The following NAB2 variants were observed in gnomAD, a reference collection of about 807,000 sequenced individuals.
The protein encoded by NAB2 is NGFI-A-binding protein 2.
In NAB2, 9 loss-of-function variants were observed where a neutral mutation model predicts 44.2. The ratio of observed to expected loss-of-function variants is 0.20; its 90% confidence interval spans 0.12 to 0.36. The LOEUF (loss-of-function observed/expected upper bound fraction) is 0.36, where lower values mean the gene tolerates loss of function less well. Ranked by LOEUF, NAB2 falls within the 10% of genes least tolerant of loss-of-function variation. The pLI is 1.00. For missense variants in NAB2, 514 were observed against 709.0 expected (o/e 0.73, Z 3.12); for synonymous variants, 342 against 291.0 (o/e 1.18, Z -1.78).
Position 57,091,270 on chromosome 12 carries a change from G to C in NAB2, c.229G>C (p.Glu77Gln). The change falls in exon 2 of 7, where the codon GAG becomes CAG. Residue 77 changes from glutamate (E) to glutamine (Q), a missense_variant. Glu to Gln is a conservative substitution (Grantham distance 29). This residue lies in a region of NAB2 where 34 missense variants were observed against 130.5 expected (regional missense o/e 0.26). Coordinates refer to ENST00000300131, the MANE Select transcript of NAB2 (RefSeq NM_005967.4). The surrounding 1 kb of genome is among the most constrained non-coding windows in gnomAD (Gnocchi z 7.3). The stretch of plus-strand genomic sequence containing the variant: ...CGTGCAGCAGCTGTGTGAGGCGGGT[G>C]AGGAGGAGTTTCTGGAGATCATGGC... ...DDVQQLCEAG[E>Q]EEFLEIMALV... 3 of 1,607,872 alleles carry C rather than the reference G, an allele frequency of 1.9e-6. No homozygotes were observed. Among genetic ancestry groups the C allele is most frequent in the Non-Finnish European group, 1.7e-6 (2 of 1,174,862 alleles).
In NAB2 at chr12:57,093,570, C is replaced by T. The variant is rs756700112; in HGVS notation, c.1440C>T (p.Pro480=). Residue 480 remains proline, a synonymous_variant, in exon 6 of 7, where the codon CCC becomes CCT. Transcript: ENST00000300131. ...VSHDRVGRLS[P]CVPAKPPLAE... ...ACGACCGCGTGGGCCGCCTCAGCCCCTGTGTGCCTGCGAAGCCACCTCTCG... is the reference window on the plus strand; with the variant it reads ...ACGACCGCGTGGGCCGCCTCAGCCCTTGTGTGCCTGCGAAGCCACCTCTCG... The T allele has an allele frequency of 4.6e-6, 7 of 1,528,616 alleles. No individual in the cohort carries two copies. The highest frequency in any genetic ancestry group is 6.2e-6 in the Non-Finnish European group (7 of 1,138,040). 94.7% of individuals were successfully genotyped at this position (1,528,616 alleles called of 1,614,324 possible).
At position 57,095,024 on chromosome 12, in the gene NAB2, T is replaced by G; in HGVS notation, c.*303T>G. The G allele has an allele frequency of 2.8e-6, 1 of 363,312 alleles. No homozygotes were observed. 22.5% of individuals were successfully genotyped at this position (363,312 alleles called of 1,614,324 possible). On this transcript the variant is annotated 3_prime_UTR_variant, in exon 7 of 7. Transcript: ENST00000300131. Reference sequence around the variant, plus strand: ...TCACACAACACACTCCCATTCTCTTTAGGTTTGCACCAGTGGTGTGAGCAG... The same window carrying G: ...TCACACAACACACTCCCATTCTCTTGAGGTTTGCACCAGTGGTGTGAGCAG...
In NAB2 at chr12:57,093,101, C is replaced by T; in HGVS notation, c.1182C>T (p.Pro394=). 10 of 1,612,890 alleles carry T rather than the reference C, an allele frequency of 6.2e-6. No homozygotes were observed. The highest frequency in any genetic ancestry group is 1.1e-5 in the South Asian group (1 of 90,906). The change falls in exon 5 of 7, where the codon CCC becomes CCT. Residue 394 remains proline, a synonymous_variant. Transcript: ENST00000300131. ...EQSHPEIQQP[P]PGPESYVPPY... ...GTCACCCTGAAATCCAGCAGCCTCC[C>T]CCAGGCCCTGAGTCCTATGTACCCC...
At position 57,094,236 on chromosome 12, in the gene NAB2, TGGCCTGGGAGG is replaced by T. The variant is rs1308795082; in HGVS notation, c.1469-362_1469-352del. Among the ~76,000 whole-genome samples, 15 of 73,678 alleles carry T rather than the reference TGGCCTGGGAGG, an allele frequency of 2.0e-4. No individual in the cohort carries two copies. The East Asian group carries it at 3.7e-3, about 18-fold the overall frequency. The allele number at this position is 73,678 out of a possible 152,430, so 48.3% of individuals were successfully genotyped here. On this transcript the variant is annotated intron_variant, in intron 6 of 6. Coordinates refer to ENST00000300131, the MANE Select transcript of NAB2 (RefSeq NM_005967.4). ...AAAAACTTGGGGGGCCATGGTAGAG[TGGCCTGGGAGG>T]GGCCTGGGAGGGGGCCAGGGATGAG...
In NAB2 at chr12:57,092,433, G is replaced by T. The variant is rs752252791; in HGVS notation, c.958-15G>T. ...AGTTCGAATTCTGACTCTCCTGGCT[G>T]CCCTCCCTCCACAGCTCACCATCAA... On this transcript the variant is annotated splice_polypyrimidine_tract_variant and intron_variant, in intron 2 of 6. Coordinates refer to ENST00000300131, the MANE Select transcript of NAB2 (RefSeq NM_005967.4). The T allele has an allele frequency of 6.2e-7, 1 of 1,612,658 alleles. No individual in the cohort carries two copies. Among genetic ancestry groups the T allele is most frequent in the East Asian group, 2.2e-5 (1 of 44,840 alleles).
chr12:57,091,748 G>T lies in NAB2; in HGVS notation c.707G>T (p.Arg236Leu), dbSNP rs914361531. 2 of 1,614,134 alleles carry T rather than the reference G, an allele frequency of 1.2e-6. No homozygotes were observed. Among genetic ancestry groups the T allele is most frequent in the African/African-American group, 1.3e-5 (1 of 75,060 alleles). ...GGTGGGACTGGGGGTGGTCCAGACC[G>T]ACTGGAGCCAGAGATGGTACGCATG... is the stretch of plus-strand genomic sequence containing the variant. ...AAGGTGGGPD[R>L]LEPEMVRMVV... is the part of the protein sequence containing the mutation. The change falls in exon 2 of 7, where the codon CGA (arginine) becomes CTA (leucine). Residue 236 changes from arginine to leucine, a missense_variant. Physicochemically the swap from Arg to Leu is moderately radical, Grantham distance 102. Transcript: ENST00000300131. The surrounding 1 kb of genome is among the most constrained non-coding windows in gnomAD (Gnocchi z 7.3).
At chr12:57,092,375 G>A in intron 2 of NAB2, 73 bp from the exon 3 acceptor site, 3 of 1,569,570 alleles carry the variant, frequency 1.9e-6, no homozygotes, top group Non-Finnish European at 2.6e-6. Context: ...CAATGGTGAA[G>A]GGGTGTGAGG....
At chr12:57,089,402 G>T (rs745669257) in intron 1 of NAB2, 48 bp downstream of exon 1, 2 of 1,456,820 alleles carry the variant, frequency 1.4e-6, no homozygotes, top group South Asian at 1.2e-5. Context: ...GGTGGAGCTG[G>T]ACTTGGGAAT....
In NAB2 at chr12:57,089,136, A is replaced by G. The variant is rs1379089130; in HGVS notation, c.-136A>G. On this transcript the variant is annotated 5_prime_UTR_variant, in exon 1 of 7. Coordinates refer to ENST00000300131, the MANE Select transcript of NAB2 (RefSeq NM_005967.4). ...CACAGACAGAGGCGCGGAGGCTCGG[A>G]GAGAGAAGACGTGGAGGGAGGGACA... 5.5e-6 allele frequency: 5 copies of G among 908,656 alleles called. No individual in the cohort carries two copies. The highest frequency in any genetic ancestry group is 1.5e-5 in the South Asian group (1 of 66,360). 56.3% of individuals were successfully genotyped at this position (908,656 alleles called of 1,614,324 possible). A position where few individuals can be genotyped will look rare whatever the true frequency, so the allele number is the denominator to read the frequency against.
Position 57,094,954 on chromosome 12 carries a change from G to A in NAB2, c.*233G>A. The A allele has an allele frequency of 1.8e-6, 1 of 546,920 alleles. No individual in the cohort carries two copies. 33.9% of individuals were successfully genotyped at this position (546,920 alleles called of 1,614,324 possible). ...TGCCCTCACCCCTGCCCAGAGCGAG[G>A]GGGCAAGGACTCTGCCTCCAGGGCA... On this transcript the variant is annotated 3_prime_UTR_variant, in exon 7 of 7. Transcript: ENST00000300131.
In NAB2 at chr12:57,093,126, C is replaced by A; in HGVS notation, c.1207C>A (p.Pro403Thr). The change falls in exon 5 of 7, where the codon CCA (proline) becomes ACA (threonine). Residue 403 changes from proline (P) to threonine (T), a missense_variant. By Grantham distance (38) the Pro-to-Thr change is conservative (BLOSUM62 -1). Transcript: ENST00000300131. ...CCCAGGCCCTGAGTCCTATGTACCC[C>A]CATACCGCCCCAGCCTGGAGGAGGA... ...PPPGPESYVP[P>T]YRPSLEEDSA... 1 of 1,613,738 alleles carries A rather than the reference C, an allele frequency of 6.2e-7. No homozygotes were observed.
Position 57,094,776 on chromosome 12 carries a change from C to A in NAB2, c.*55C>A. The A allele has an allele frequency of 2.1e-6, 3 of 1,401,026 alleles. No individual in the cohort carries two copies. Among genetic ancestry groups the A allele is most frequent in the Non-Finnish European group, 2.9e-6 (3 of 1,026,744 alleles). The allele number at this position is 1,401,026 out of a possible 1,614,324, so 86.8% of individuals were successfully genotyped here. ...CCTCAGACTTCTGGCTCACACAGAC[C>A]CCCACGCTCTCCATCCCCGGAATCT... On this transcript the variant is annotated 3_prime_UTR_variant, in exon 7 of 7. Coordinates refer to ENST00000300131, the MANE Select transcript of NAB2 (RefSeq NM_005967.4).
chr12:57,089,245 G>A lies in NAB2; in HGVS notation c.-27G>A, dbSNP rs376352074. 6.4e-7 allele frequency: 1 copy of A among 1,558,868 alleles called. No homozygotes were observed. The highest frequency in any genetic ancestry group is 8.7e-7 in the Non-Finnish European group (1 of 1,151,700). On this transcript the variant is annotated 5_prime_UTR_variant, in exon 1 of 7. Coordinates refer to ENST00000300131, the MANE Select transcript of NAB2 (RefSeq NM_005967.4). The stretch of plus-strand genomic sequence containing the variant: ...GCGCCGAGCGCCGGGCACCGAGAAG[G>A]GCAGCCCGGGTGATCTCCGGCCGTC...
chr12:57,092,252 GC>G, intron 2 of NAB2, 195 bp from the exon 3 acceptor site: 1 of 993,680 alleles, frequency 1.0e-6, no homozygotes, highest in Non-Finnish European at 1.4e-6. Flanking sequence ...AGAGGAGGAG[GC>G]CCCGGGCATT....
rs78436948 is a variant in NAB2 at position 57,093,130 on chromosome 12, A to G, written c.1211A>G (p.Tyr404Cys). Residue 404 changes from tyrosine to cysteine, a missense_variant, in exon 5 of 7, where the codon TAC becomes TGC. This residue lies in a region of NAB2 where 194 missense variants were observed against 223.9 expected (regional missense o/e 0.87). Transcript: ENST00000300131. ...PPGPESYVPP[Y>C]RPSLEEDSAS... ...GGCCCTGAGTCCTATGTACCCCCAT[A>G]CCGCCCCAGCCTGGAGGAGGACAGC... 2 of 1,612,664 alleles carry G rather than the reference A, an allele frequency of 1.2e-6. No homozygotes were observed. Among genetic ancestry groups the G allele is most frequent in the African/African-American group, 2.7e-5 (2 of 74,790 alleles).
Position 57,089,207 on chromosome 12 carries a change from C to G in NAB2, c.-65C>G. ...ACGGCATCGTGCGCGGGGAAGAGGGCAGCACGCAGCAGGCGCCGAGCGCCG... is the reference window on the plus strand; with the variant it reads ...ACGGCATCGTGCGCGGGGAAGAGGGGAGCACGCAGCAGGCGCCGAGCGCCG... On this transcript the variant is annotated 5_prime_UTR_variant, in exon 1 of 7. Coordinates refer to ENST00000300131, the MANE Select transcript of NAB2 (RefSeq NM_005967.4). 6.7e-7 allele frequency: 1 copy of G among 1,485,890 alleles called. No individual in the cohort carries two copies. The highest frequency in any genetic ancestry group is 1.2e-5 in the South Asian group (1 of 82,652). The allele number at this position is 1,485,890 out of a possible 1,614,324, so 92.0% of individuals were successfully genotyped here.
chr12:57,089,622 A>C (rs1264903397), intron 1 of NAB2, among the ~76,000 whole-genome samples: 1 of 151,936 alleles, frequency 6.6e-6, no homozygotes, highest in Admixed American at 6.5e-5. Flanking sequence ...GCCCCCTGCA[A>C]AGAATGTGGG....
At chr12:57,089,380 G>A (rs777377905) in intron 1 of NAB2, 26 bp downstream of exon 1, 3 of 1,555,038 alleles carry the variant, frequency 1.9e-6, no homozygotes, top group Admixed American at 2.0e-5. Context: ...GAGGCAGCGG[G>A]GAGTGGAGAT....
rs748642990 is a variant in NAB2, at chr12:57,091,640, A to G, written c.599A>G (p.Glu200Gly). 8.1e-6 allele frequency: 13 copies of G among 1,606,990 alleles called. No individual in the cohort carries two copies. The highest frequency in any genetic ancestry group is 1.0e-5 in the Non-Finnish European group (12 of 1,175,962). ...GAGTCGGACGTTGGGGCAGGAGGAG[A>G]AGAGGAGGCTGGCTCGCCCCCCTTC... ...TPESDVGAGG[E>G]EEAGSPPFSP... The change falls in exon 2 of 7, where the codon GAA becomes GGA. Residue 200 changes from glutamate to glycine, a missense_variant. Physicochemically the swap from Glu to Gly is moderately conservative, Grantham distance 98. Coordinates refer to ENST00000300131, the MANE Select transcript of NAB2 (RefSeq NM_005967.4). The surrounding 1 kb of genome is among the most constrained non-coding windows in gnomAD (Gnocchi z 7.3).
Sources: gnomAD v4.1 joint callset for allele counts (sites outside exome capture counted in the v4.1 genomes callset) on GRCh38, gnomAD v4.1.1 for gene constraint, gnomAD v4.1.1 regional missense constraint, Gnocchi (gnomAD v3.1) non-coding constraint, MANE v1.5 for transcripts, NCBI Gene and HGNC (gene_info 2026-07-23, HGNC 2026-07-21) for gene names.